GRAMD2A: variants seen among roughly 807,000 people sequenced by gnomAD.
GRAMD2A encodes GRAM domain containing 2A, also known as GRAM domain-containing protein 2A.
A neutral mutation model predicts 51.1 loss-of-function variants in GRAMD2A; 37 were observed. The observed-to-expected ratio is 0.72, with a 90% CI of 0.56 to 0.95. The LOEUF is 0.95. Ranked by LOEUF, GRAMD2A falls within the 40% of genes least tolerant of loss-of-function variation. GRAMD2A has a pLI of 0.00. For synonymous variants in GRAMD2A, 136 were observed against 157.1 expected (o/e 0.87, Z 1.01); for missense variants, 414 against 426.9 (o/e 0.97, Z 0.27).
chr15:72,167,658 T>C (rs983529395), intron 5 of GRAMD2A, 78 bp downstream of exon 5: 1 of 1,118,666 alleles, frequency 8.9e-7, no homozygotes, highest in Non-Finnish European at 1.4e-6. Context: ...GAGATAGGCA[T>C]GACTTTGAGG....
At chr15:72,162,905 G>A in intron 10 of GRAMD2A, 1 of 246,662 alleles carries the variant, frequency 4.1e-6, no homozygotes, top group East Asian at 8.9e-5. Flanking sequence ...CAAGTCAGGG[G>A]TTCCAGAAGC....
At chr15:72,195,436 C>A (rs563105522) in intron 1 of GRAMD2A, among the ~76,000 whole-genome samples, 1 of 152,136 alleles carries the variant, frequency 6.6e-6, no homozygotes, top group African/African-American at 2.4e-5. Flanking sequence ...AGGTTAGGGG[C>A]GGGGTGGAGC....
chr15:72,182,352 G>C (rs2081702565), intron 1 of GRAMD2A, among the ~76,000 whole-genome samples: 1 of 125,424 alleles, frequency 8.0e-6, no homozygotes, highest in Non-Finnish European at 1.6e-5. Context: ...GCGACAGAGT[G>C]AGACTGTCTC....
At chr15:72,177,884 C>G (rs549387870) in intron 1 of GRAMD2A, among the ~76,000 whole-genome samples, 5 of 152,312 alleles carry the variant, frequency 3.3e-5, no homozygotes, top group Middle Eastern at 3.4e-3. Context: ...TGTGCCAACA[C>G]GCCCAGCTAA....
At chr15:72,182,362 CAA>C (rs36075463) in intron 1 of GRAMD2A, among the ~76,000 whole-genome samples, 802 of 47,528 alleles carry the variant, frequency 0.017, 4 homozygotes, top group Admixed American at 0.072. Context: ...GAGACTGTCT[CAA>C]AAAAAAAAAA....
chr15:72,180,058 G>A (rs1332329141), intron 1 of GRAMD2A, among the ~76,000 whole-genome samples: 1 of 152,204 alleles, frequency 6.6e-6, no homozygotes, highest in East Asian at 1.9e-4. Flanking sequence ...CTCCACCAGA[G>A]GTTAGAGGCC....
chr15:72,168,892 AG>A, intron 3 of GRAMD2A, 46 bp downstream of exon 3: 32 of 1,569,684 alleles, frequency 2.0e-5, no homozygotes, highest in Non-Finnish European at 2.8e-5. Context: ...CTGGCAGCCC[AG>A]GACCCCTTCC....
In GRAMD2A at chr15:72,160,830, C is replaced by T. The variant is rs2081466309; in HGVS notation, c.*1179G>A. 6.5e-6 allele frequency: 1 copy of T among 153,032 alleles called. No homozygotes were observed. The highest frequency in any genetic ancestry group is 1.5e-5 in the Non-Finnish European group (1 of 68,728). 9.5% of individuals were successfully genotyped at this position (153,032 alleles called of 1,614,324 possible). A position where few individuals can be genotyped will look rare whatever the true frequency, so the allele number is the denominator to read the frequency against. ...CACCACCACGTCCAACCTCCTCATC[C>T]TCTACCTTTCCTGTCCCCAGAGGTA... is the stretch of plus-strand genomic sequence containing the variant. On this transcript the variant is annotated 3_prime_UTR_variant, in exon 12 of 12. Transcript: ENST00000309731.
At chr15:72,188,035 A>G (rs1394042317) in intron 1 of GRAMD2A, among the ~76,000 whole-genome samples, 1 of 152,184 alleles carries the variant, frequency 6.6e-6, no homozygotes, top group African/African-American at 2.4e-5. Flanking sequence ...ACAAATTACA[A>G]TGTATAATAA....
At chr15:72,178,796 G>A (rs2081675108) in intron 1 of GRAMD2A, among the ~76,000 whole-genome samples, 1 of 151,778 alleles carries the variant, frequency 6.6e-6, no homozygotes. Context: ...GGATGGTCTT[G>A]ATCTCCTGAC....
intron 1 of GRAMD2A, among the ~76,000 whole-genome samples, chr15:72,194,315 A>C (rs1436882830): frequency 6.6e-6 from 1 of 152,254 alleles, no homozygotes; most frequent in Non-Finnish European, 1.5e-5. Flanking sequence ...ATGGGTAGCC[A>C]CAGCAAAGGA....
rs1354447811 is a variant in GRAMD2A at position 72,161,986 on chromosome 15, T to C, written c.*23A>G. ...CAGAACATTCTTCTTGGAGAAGGAA[T>C]GGGGACAAAGGCCAAGTGGCTGTTA... On this transcript the variant is annotated 3_prime_UTR_variant, in exon 12 of 12. Coordinates refer to ENST00000309731, the MANE Select transcript of GRAMD2A (RefSeq NM_001012642.3). 1 of 1,613,820 alleles carries C rather than the reference T, an allele frequency of 6.2e-7. No homozygotes were observed.
rs939208806 is a variant in GRAMD2A at position 72,161,866 on chromosome 15, G to A, written c.*143C>T. ...CTCATAGAGGGAAGAGAAGAGCTGC[G>A]GGGAGGAGGAGGGATCTGGAATATT... is the stretch of plus-strand genomic sequence containing the variant. On this transcript the variant is annotated 3_prime_UTR_variant, in exon 12 of 12. Transcript: ENST00000309731. The A allele has an allele frequency of 1.1e-5, 9 of 806,920 alleles. No individual in the cohort carries two copies. The highest frequency in any genetic ancestry group is 4.5e-4 in the Middle Eastern group (2 of 4,442). 50.0% of individuals were successfully genotyped at this position (806,920 alleles called of 1,614,324 possible). A position where few individuals can be genotyped will look rare whatever the true frequency, so the allele number is the denominator to read the frequency against.
chr15:72,179,723 C>A (rs2081682687), intron 1 of GRAMD2A, among the ~76,000 whole-genome samples: 2 of 152,212 alleles, frequency 1.3e-5, no homozygotes, highest in Admixed American at 6.5e-5. Context: ...ACACCCATAA[C>A]CCTGCCCATT....
At chr15:72,177,630 T>C (rs1044625823) in intron 1 of GRAMD2A, among the ~76,000 whole-genome samples, 3 of 152,268 alleles carry the variant, frequency 2.0e-5, no homozygotes, top group African/African-American at 4.8e-5. Context: ...GAAAGTGCTA[T>C]GAAAATTGTA....
chr15:72,184,486 C>G (rs1234320198), intron 1 of GRAMD2A, among the ~76,000 whole-genome samples: 1 of 152,214 alleles, frequency 6.6e-6, no homozygotes, highest in African/African-American at 2.4e-5. Context: ...GGAAAAGGAG[C>G]GCGCGCCCCT....
At position 72,185,193 on chromosome 15, in the gene GRAMD2A, T is replaced by TTG. The variant is rs1332515262; in HGVS notation, c.41+12537_41+12538insCA. Among the ~76,000 whole-genome samples, 99 of 148,218 alleles carry TTG rather than the reference T, an allele frequency of 6.7e-4. 1 individual carries two copies. Among genetic ancestry groups the TTG allele is most frequent in the Non-Finnish European group, 5.1e-4 (34 of 66,652 alleles). On this transcript the variant is annotated intron_variant, in intron 1 of 11. Coordinates refer to ENST00000309731, the MANE Select transcript of GRAMD2A (RefSeq NM_001012642.3). ...ACAAAAATATATTTTGTTCCAGTTT[T>TTG]TTTTTTTTTTTTTTTTTTGAGACGG... is the stretch of plus-strand genomic sequence containing the variant.
chr15:72,197,456 T>C (rs902411510), intron 1 of GRAMD2A, among the ~76,000 whole-genome samples: 1 of 152,134 alleles, frequency 6.6e-6, no homozygotes, highest in Non-Finnish European at 1.5e-5. Context: ...CTTGCCCCGA[T>C]GCTGCCGGGA....
intron 1 of GRAMD2A, among the ~76,000 whole-genome samples, chr15:72,195,810 C>A (rs539669804): frequency 5.3e-4 from 80 of 151,506 alleles, no homozygotes; most frequent in African/African-American, 1.9e-3. Flanking sequence ...ATCCCACCTA[C>A]TCGGGAGGCT....
Sources: gnomAD v4.1 joint callset for allele counts (sites outside exome capture counted in the v4.1 genomes callset) on GRCh38, gnomAD v4.1.1 for gene constraint, MANE v1.5 for transcripts, NCBI Gene and HGNC (gene_info 2026-07-23, HGNC 2026-07-21) for gene names.